Variants in ZDHHC20 observed in about 807,000 individuals in gnomAD.
ZDHHC20 encodes the protein palmitoyltransferase ZDHHC20.
Under a neutral mutation model 57.8 loss-of-function variants are expected in ZDHHC20, and 43 were observed. The ratio of observed to expected loss-of-function variants is 0.74; its 90% CI spans 0.58 to 0.96. ZDHHC20 has a LOEUF of 0.96. Among genes scored for constraint, ZDHHC20 ranks in the 40% least tolerant of loss-of-function variants. The probability of loss-of-function intolerance (pLI) is 0.00; values close to 1 mark genes in which losing one functional copy is unlikely to be tolerated. For missense variants in ZDHHC20, 391 were observed against 441.1 expected (o/e 0.89, Z 1.02); for synonymous variants, 157 against 153.0 (o/e 1.03, Z -0.19).
At chr13:21,406,492 G>C (rs192848479) in intron 4 of ZDHHC20, among the ~76,000 whole-genome samples, 1 of 152,048 alleles carries the variant, frequency 6.6e-6, no homozygotes, top group Admixed American at 6.6e-5. Context: ...CTATCAATCT[G>C]TCATCTACAA....
At chr13:21,441,960 T>C (rs571393426) in intron 1 of ZDHHC20, among the ~76,000 whole-genome samples, 7 of 152,304 alleles carry the variant, frequency 4.6e-5, no homozygotes, top group East Asian at 1.9e-4. Flanking sequence ...TACCAAGTAA[T>C]AGACATAGTA....
At chr13:21,425,708 T>C in intron 1 of ZDHHC20, 30 bp from the exon 2 acceptor site, 1 of 1,084,732 alleles carries the variant, frequency 9.2e-7, no homozygotes, top group Non-Finnish European at 1.2e-6. Context: ...AGTGAATAAA[T>C]ATACTTTAAA....
intron 1 of ZDHHC20, among the ~76,000 whole-genome samples, chr13:21,447,361 C>G (rs370359201): frequency 6.8e-6 from 1 of 146,810 alleles, no homozygotes; most frequent in Non-Finnish European, 1.5e-5. Context: ...TGGACTGTAC[C>G]GCTGCCATCT....
chr13:21,455,925 A>G (rs1387831623), intron 1 of ZDHHC20, among the ~76,000 whole-genome samples: 1 of 152,210 alleles, frequency 6.6e-6, no homozygotes, highest in Non-Finnish European at 1.5e-5. Flanking sequence ...AGTGGTTAAC[A>G]GCATGGGCTT....
intron 4 of ZDHHC20, among the ~76,000 whole-genome samples, chr13:21,404,690 C>G (rs201134831): frequency 6.7e-6 from 1 of 150,306 alleles, no homozygotes; most frequent in East Asian, 1.9e-4. Context: ...GGAGGCGGAG[C>G]TTGCAGTGAG....
intron 4 of ZDHHC20, among the ~76,000 whole-genome samples, chr13:21,405,130 A>G (rs1451942472): frequency 6.6e-6 from 1 of 152,040 alleles, no homozygotes; most frequent in African/African-American, 2.4e-5. Context: ...TGGTGCCCCT[A>G]AAAATTTTTT....
chr13:21,458,921 C>G, intron 1 of ZDHHC20, 133 bp downstream of exon 1: 1 of 614,044 alleles, frequency 1.6e-6, no homozygotes, highest in East Asian at 3.5e-5. Context: ...TCGGCGCTTC[C>G]GAGCGCGTTC....
At chr13:21,430,489 G>A (rs1055616960) in intron 1 of ZDHHC20, among the ~76,000 whole-genome samples, 1 of 151,926 alleles carries the variant, frequency 6.6e-6, no homozygotes, top group African/African-American at 2.4e-5. Context: ...ATCCCAGCAG[G>A]AATACTGGGG....
chr13:21,407,238 C>A (rs1482425111), intron 4 of ZDHHC20, among the ~76,000 whole-genome samples: 1 of 152,174 alleles, frequency 6.6e-6, no homozygotes, highest in Non-Finnish European at 1.5e-5. Context: ...TTGTGATCCA[C>A]CTGCCTCGGC....
At chr13:21,393,830 C>T (rs1040141992) in intron 7 of ZDHHC20, among the ~76,000 whole-genome samples, 1 of 151,686 alleles carries the variant, frequency 6.6e-6, no homozygotes, top group African/African-American at 2.4e-5. Context: ...GGACTACAGG[C>T]GTGAGCCACC....
At chr13:21,414,527 A>ATTTTTTTTTTTTTTTTTTTTTTTTTTTTT (rs747307477) in intron 3 of ZDHHC20, among the ~76,000 whole-genome samples, 13 of 107,514 alleles carry the variant, frequency 1.2e-4, no homozygotes, top group Non-Finnish European at 1.8e-4. Flanking sequence ...TGCCCGGATA[A>ATTTTTTTTTTTTTTTTTTTTTTTTTTTTT]TTTTTTTTTT....
chr13:21,384,314 C>T (rs895879609), intron 9 of ZDHHC20, among the ~76,000 whole-genome samples: 7 of 151,858 alleles, frequency 4.6e-5, no homozygotes, highest in African/African-American at 1.5e-4. Context: ...GTGGCATGCG[C>T]CTGTAATCCT....
intron 1 of ZDHHC20, among the ~76,000 whole-genome samples, chr13:21,437,270 C>G (rs951611164): frequency 6.6e-6 from 1 of 152,162 alleles, no homozygotes; most frequent in African/African-American, 2.4e-5. Flanking sequence ...GACGAAGCAG[C>G]AAGTTTTTAT....
chr13:21,381,676 A>C, intron 10 of ZDHHC20, 127 bp from the exon 11 acceptor site: 1 of 652,576 alleles, frequency 1.5e-6, no homozygotes, highest in Non-Finnish European at 2.6e-6. Context: ...AGATCTTAGC[A>C]CTCTGAAAAA....
chr13:21,410,887 G>GT (rs1566086957), intron 4 of ZDHHC20, among the ~76,000 whole-genome samples: 2 of 152,124 alleles, frequency 1.3e-5, no homozygotes, highest in African/African-American at 2.4e-5. Context: ...TCTTGCTGGC[G>GT]TGCCAGGTGC....
At chr13:21,403,232 T>A (rs1035973908) in intron 4 of ZDHHC20, among the ~76,000 whole-genome samples, 2 of 151,840 alleles carry the variant, frequency 1.3e-5, no homozygotes, top group Non-Finnish European at 2.9e-5. Flanking sequence ...TACAGTAATA[T>A]CAAAATTTAG....
intron 1 of ZDHHC20, among the ~76,000 whole-genome samples, chr13:21,443,656 C>T (rs904258881): frequency 1.3e-5 from 2 of 152,206 alleles, no homozygotes; most frequent in Non-Finnish European, 2.9e-5. Context: ...AAATATGCAT[C>T]TCCTTTGTAG....
At chr13:21,379,861 C>T (rs1399463676) in intron 11 of ZDHHC20, among the ~76,000 whole-genome samples, 1 of 145,428 alleles carries the variant, frequency 6.9e-6, no homozygotes, top group African/African-American at 2.6e-5. Flanking sequence ...GTCGCCCAGG[C>T]TGGGGTGCAG....
chr13:21,427,971 ACC>A (rs1881467667), intron 1 of ZDHHC20, among the ~76,000 whole-genome samples: 1 of 143,218 alleles, frequency 7.0e-6, no homozygotes, highest in African/African-American at 2.6e-5. Context: ...CTTTCATAAC[ACC>A]CCTGACACTT....
Sources: gnomAD v4.1 joint callset for allele counts (sites outside exome capture counted in the v4.1 genomes callset) on GRCh38, gnomAD v4.1.1 for gene constraint, MANE v1.5 for transcripts, NCBI Gene and HGNC (gene_info 2026-07-23, HGNC 2026-07-21) for gene names.